TRIM71: variants seen among roughly 807,000 people sequenced by gnomAD.
The protein encoded by TRIM71 is tripartite motif containing 71, also known as E3 ubiquitin-protein ligase TRIM71.
TRIM71 carries 9 observed loss-of-function variants against 61.2 expected under a neutral mutation model. The ratio of observed to expected loss-of-function variants is 0.15; its 90% CI spans 0.09 to 0.26. The LOEUF (loss-of-function observed/expected upper bound fraction) is 0.26, where lower values mean the gene tolerates loss of function less well. Ranked by LOEUF, TRIM71 falls within the 10% of genes least tolerant of loss-of-function variation. The pLI is 1.00. For missense variants in TRIM71, 998 were observed against 1,238.7 expected (o/e 0.81, Z 2.92); for synonymous variants, 645 against 553.2 (o/e 1.17, Z -2.33).
At chr3:32,835,488 G>A (rs1263523741) in intron 1 of TRIM71, among the ~76,000 whole-genome samples, 4 of 152,082 alleles carry the variant, frequency 2.6e-5, no homozygotes, top group Non-Finnish European at 5.9e-5. Context: ...AGGGAGGGAA[G>A]GGGTTACAAT....
At chr3:32,834,321 AC>A (rs1246329848) in intron 1 of TRIM71, among the ~76,000 whole-genome samples, 1 of 152,248 alleles carries the variant, frequency 6.6e-6, no homozygotes, top group Non-Finnish European at 1.5e-5. Flanking sequence ...ACTTGACACA[AC>A]AGCTACAAAT....
intron 1 of TRIM71, among the ~76,000 whole-genome samples, chr3:32,836,306 A>G (rs752914912): frequency 1.3e-5 from 2 of 152,224 alleles, no homozygotes; most frequent in African/African-American, 2.4e-5. Flanking sequence ...CATTTGTGCA[A>G]TTGCTATGAG....
At chr3:32,889,636 T>TG (rs1309245617) in intron 3 of TRIM71, among the ~76,000 whole-genome samples, 1 of 151,098 alleles carries the variant, frequency 6.6e-6, no homozygotes, top group African/African-American at 2.4e-5. Context: ...TTCCCTAGGT[T>TG]GGAGTGCAAT....
chr3:32,878,866 TTCTG>T (rs2125690344), intron 2 of TRIM71, among the ~76,000 whole-genome samples: 1 of 152,366 alleles, frequency 6.6e-6, no homozygotes, highest in South Asian at 2.1e-4. Context: ...AGGCATTGAC[TTCTG>T]TAGCTATGAA....
intron 1 of TRIM71, among the ~76,000 whole-genome samples, chr3:32,856,592 T>C (rs935973412): frequency 6.6e-6 from 1 of 152,204 alleles, no homozygotes; most frequent in Non-Finnish European, 1.5e-5. Context: ...TGACTGGACA[T>C]GAATAAGAGT....
intron 1 of TRIM71, among the ~76,000 whole-genome samples, chr3:32,850,181 C>T (rs904758407): frequency 6.6e-6 from 1 of 152,194 alleles, no homozygotes; most frequent in African/African-American, 2.4e-5. Flanking sequence ...GTTTAAAATA[C>T]TAATCCTGTG....
At chr3:32,844,139 G>C (rs1487679727) in intron 1 of TRIM71, among the ~76,000 whole-genome samples, 1 of 152,096 alleles carries the variant, frequency 6.6e-6, no homozygotes, top group Non-Finnish European at 1.5e-5. Flanking sequence ...GCCCTTCCCT[G>C]GTTAACAATG....
At chr3:32,823,163 T>C (rs1303972339) in intron 1 of TRIM71, among the ~76,000 whole-genome samples, 1 of 152,230 alleles carries the variant, frequency 6.6e-6, no homozygotes, top group Non-Finnish European at 1.5e-5. Flanking sequence ...TTAGGAAGCC[T>C]ACTGAATTCA....
intron 2 of TRIM71, among the ~76,000 whole-genome samples, chr3:32,878,242 A>G (rs1696870624): frequency 6.6e-6 from 1 of 152,244 alleles, no homozygotes; most frequent in Admixed American, 6.5e-5. Context: ...GACCAGGTGC[A>G]TTGTCAATCA....
chr3:32,855,522 C>T (rs1696590476), intron 1 of TRIM71, among the ~76,000 whole-genome samples: 1 of 152,158 alleles, frequency 6.6e-6, no homozygotes, highest in Admixed American at 6.5e-5. Flanking sequence ...TCTGACCTGT[C>T]TCTAGCCCTC....
At chr3:32,837,220 C>T (rs1696344930) in intron 1 of TRIM71, among the ~76,000 whole-genome samples, 1 of 152,120 alleles carries the variant, frequency 6.6e-6, no homozygotes, top group Non-Finnish European at 1.5e-5. Flanking sequence ...GTAATTTAGT[C>T]GTGTAAGCAT....
At chr3:32,828,319 G>A (rs1696227536) in intron 1 of TRIM71, among the ~76,000 whole-genome samples, 1 of 152,112 alleles carries the variant, frequency 6.6e-6, no homozygotes, top group African/African-American at 2.4e-5. Context: ...ACTCCTGATA[G>A]GCAGTCTTAA....
chr3:32,848,462 T>C (rs1696499959), intron 1 of TRIM71, among the ~76,000 whole-genome samples: 1 of 152,196 alleles, frequency 6.6e-6, no homozygotes, highest in Admixed American at 6.5e-5. Context: ...GGTGGGGGCC[T>C]GAATCATCAG....
intron 1 of TRIM71, among the ~76,000 whole-genome samples, chr3:32,836,734 G>A (rs1696338763): frequency 1.3e-5 from 2 of 152,198 alleles, no homozygotes; most frequent in South Asian, 4.1e-4. Flanking sequence ...GCTGTTGGCT[G>A]TGGGTGAAGA....
At chr3:32,879,550 T>C (rs58436100) in intron 2 of TRIM71, among the ~76,000 whole-genome samples, 3,630 of 151,854 alleles carry the variant, frequency 0.024, 167 homozygotes, top group African/African-American at 0.082. Flanking sequence ...GATAAAATAA[T>C]AATGAAAAGT....
At chr3:32,843,826 C>T (rs1009746970) in intron 1 of TRIM71, among the ~76,000 whole-genome samples, 2 of 152,112 alleles carry the variant, frequency 1.3e-5, no homozygotes, top group African/African-American at 2.4e-5. Context: ...GGTGCAGAGC[C>T]GGCCCAGAAA....
chr3:32,847,274 G>A (rs867125021), intron 1 of TRIM71, among the ~76,000 whole-genome samples: 4 of 144,624 alleles, frequency 2.8e-5, no homozygotes, highest in South Asian at 2.2e-4. Flanking sequence ...TCAGCACACC[G>A]CAACCTCCGC....
chr3:32,828,468 A>G (rs892248624), intron 1 of TRIM71, among the ~76,000 whole-genome samples: 4 of 150,682 alleles, frequency 2.7e-5, no homozygotes, highest in African/African-American at 9.8e-5. Flanking sequence ...AAAGTCTCAT[A>G]GCACAGTGCC....
At chr3:32,824,074 A>G (rs1037702701) in intron 1 of TRIM71, among the ~76,000 whole-genome samples, 1 of 152,236 alleles carries the variant, frequency 6.6e-6, no homozygotes, top group Non-Finnish European at 1.5e-5. Flanking sequence ...CTTGTCTCAA[A>G]AAAAGAAAAA....
Sources: gnomAD v4.1 joint callset for allele counts (sites outside exome capture counted in the v4.1 genomes callset) on GRCh38, gnomAD v4.1.1 for gene constraint, MANE v1.5 for transcripts, NCBI Gene and HGNC (gene_info 2026-07-23, HGNC 2026-07-21) for gene names.